The following SEZ6L2 variants were observed in gnomAD, a reference collection of about 807,000 sequenced individuals.
The protein encoded by SEZ6L2 is seizure 6-like protein 2.
Under a neutral mutation model 97.0 loss-of-function variants are expected in SEZ6L2, and 44 were observed. That is an observed-to-expected ratio of 0.45 (90% CI 0.36 to 0.58). SEZ6L2 has a LOEUF of 0.58. SEZ6L2 is among the 20% of genes least tolerant of loss of function. The pLI is 0.00. For synonymous variants in SEZ6L2, 543 were observed against 546.1 expected, an observed-to-expected ratio of 0.99 and a Z score of 0.08; for missense variants, 1,086 against 1,233.3, an observed-to-expected ratio of 0.88 and a Z score of 1.79.
At chr16:29,872,953 C>T (rs907343522) in intron 14 of SEZ6L2, among the ~76,000 whole-genome samples, 1 of 152,202 alleles carries the variant, frequency 6.6e-6, no homozygotes, top group Admixed American at 6.5e-5. Context: ...AGTCAGGGTT[C>T]CTGGACAGTC....
intron 2 of SEZ6L2, among the ~76,000 whole-genome samples, 190 bp from the exon 3 acceptor site, chr16:29,897,311 T>G (rs1176402295): frequency 8.3e-6 from 1 of 119,824 alleles, no homozygotes; most frequent in Non-Finnish European, 1.7e-5. Flanking sequence ...ACAGCCTGAG[T>G]CCCCCCTCTT....
chr16:29,899,186 G>A lies in SEZ6L2; in HGVS notation c.-167C>T. The stretch of plus-strand genomic sequence containing the variant: ...TTTCTCTGCCCCTTGGGATGGAGGG[G>A]CAGAATTGGGCTAGGGGTCGCCTGG... On this transcript the variant is annotated 5_prime_UTR_variant, in exon 1 of 18. Coordinates refer to ENST00000617533, the MANE Select transcript of SEZ6L2 (RefSeq NM_001243332.2). 1.7e-6 allele frequency: 1 copy of A among 602,736 alleles called. No homozygotes were observed. The highest frequency in any genetic ancestry group is 1.8e-5 in the South Asian group (1 of 55,272). The allele number at this position is 602,736 out of a possible 1,614,324, so 37.3% of individuals were successfully genotyped here.
chr16:29,878,191 A>G (rs1174350053), intron 10 of SEZ6L2, 96 bp downstream of exon 10: 2 of 1,395,578 alleles, frequency 1.4e-6, no homozygotes, highest in Non-Finnish European at 1.9e-6. Flanking sequence ...ATAGATACGC[A>G]AGAGCCAGAC....
chr16:29,878,851 C>T (rs1482552819), intron 9 of SEZ6L2, among the ~76,000 whole-genome samples: 3 of 150,924 alleles, frequency 2.0e-5, no homozygotes, highest in Admixed American at 6.6e-5. Flanking sequence ...GTGATCTGCC[C>T]GCCTTGGCCT....
At chr16:29,879,153 T>G (rs1265991237) in intron 9 of SEZ6L2, among the ~76,000 whole-genome samples, 1 of 152,112 alleles carries the variant, frequency 6.6e-6, no homozygotes. Context: ...TCCGCCTGCC[T>G]GAGCCTCCCA....
intron 2 of SEZ6L2, among the ~76,000 whole-genome samples, chr16:29,897,442 G>C (rs1464642547): frequency 1.3e-5 from 2 of 151,424 alleles, no homozygotes; most frequent in African/African-American, 4.9e-5. Context: ...TCTCTCCTCT[G>C]TCTCATTCTC....
rs1474496443 is a variant in SEZ6L2, at chr16:29,873,641, G to A, written c.2193C>T (p.Tyr731=). Residue 731 remains tyrosine, a synonymous_variant, in exon 13 of 18, where the codon TAC becomes TAT. Coordinates refer to ENST00000617533, the MANE Select transcript of SEZ6L2 (RefSeq NM_001243332.2). This position sits in a 1 kb window ranked among gnomAD's most constrained non-coding sequence, Gnocchi z 4.3. ...CGAGGCTGTACCCTGGCAGGCAGCG[G>A]TACTGGACGTGGGAGCCAACGGGGA... ...AGFPVGSHVQ[Y]RCLPGYSLEG... is the part of the protein sequence containing the mutation. 18 of 1,613,972 alleles carry A rather than the reference G, an allele frequency of 1.1e-5. 1 individual carries two copies. Among genetic ancestry groups the A allele is most frequent in the East Asian group, 6.7e-5 (3 of 44,870 alleles).
chr16:29,878,387 C>A lies in SEZ6L2; in HGVS notation c.1612G>T (p.Val538Phe). The A allele has an allele frequency of 1.9e-6, 3 of 1,608,144 alleles. No individual in the cohort carries two copies. Among genetic ancestry groups the A allele is most frequent in the Non-Finnish European group, 2.5e-6 (3 of 1,176,582 alleles). The change falls in exon 10 of 18, where the codon GTC becomes TTC. Residue 538 changes from valine (V) to phenylalanine (F), a missense_variant. Val to Phe is a conservative substitution (Grantham distance 50). This residue lies in a region of SEZ6L2 where 776 missense variants were observed against 794.7 expected (regional missense o/e 0.98). Coordinates refer to ENST00000617533, the MANE Select transcript of SEZ6L2 (RefSeq NM_001243332.2). ...CTCTGGGGCCAGTCGGGAGAGAGGACCACGCCAGCTGGTTCCGACAGCTCC... is the reference window on the plus strand; with the variant it reads ...CTCTGGGGCCAGTCGGGAGAGAGGAACACGCCAGCTGGTTCCGACAGCTCC... ...GGELSEPAGV[V>F]LSPDWPQSYS...
chr16:29,891,917 A>C (rs1411329358), intron 5 of SEZ6L2, among the ~76,000 whole-genome samples: 1 of 152,172 alleles, frequency 6.6e-6, no homozygotes, highest in African/African-American at 2.4e-5. Flanking sequence ...AGAAAACGTT[A>C]ATCACCCACC....
intron 8 of SEZ6L2, among the ~76,000 whole-genome samples, chr16:29,885,202 G>A (rs1025973196): frequency 6.1e-5 from 9 of 147,746 alleles, no homozygotes; most frequent in Non-Finnish European, 9.0e-5. Flanking sequence ...AGCGAGACTC[G>A]TCTCAAAAAA....
chr16:29,891,952 TG>T (rs2068280611), intron 5 of SEZ6L2, among the ~76,000 whole-genome samples: 2 of 152,204 alleles, frequency 1.3e-5, no homozygotes, highest in Admixed American at 6.5e-5. Flanking sequence ...AATGAATGAC[TG>T]GGAGCCAGGG....
At chr16:29,898,863 G>C in intron 1 of SEZ6L2, 78 bp downstream of exon 1, 5 of 1,132,000 alleles carry the variant, frequency 4.4e-6, no homozygotes, top group Non-Finnish European at 6.4e-6. Context: ...GGAAGACCCA[G>C]GATATTAAGA....
At chr16:29,887,226 A>T (rs945705898) in intron 7 of SEZ6L2, among the ~76,000 whole-genome samples, 1 of 148,022 alleles carries the variant, frequency 6.8e-6, no homozygotes, top group Non-Finnish European at 1.5e-5. Context: ...CTAAGCTGTG[A>T]TGCATATCTC....
At chr16:29,880,690 C>T (rs566598979) in intron 8 of SEZ6L2, among the ~76,000 whole-genome samples, 3 of 152,098 alleles carry the variant, frequency 2.0e-5, no homozygotes, top group South Asian at 4.2e-4. Context: ...CTCCTGGCCT[C>T]GAGTGATCTG....
At chr16:29,872,082 T>G in intron 17 of SEZ6L2, 105 bp downstream of exon 17, 1 of 939,034 alleles carries the variant, frequency 1.1e-6, no homozygotes, top group Non-Finnish European at 1.6e-6. Flanking sequence ...TGGGGGCAGC[T>G]GAGTTTGAAA....
Position 29,899,524 on chromosome 16 carries a change from C to G in SEZ6L2, c.-505G>C, listed in dbSNP as rs2068488752. 1 of 158,624 alleles carries G rather than the reference C, an allele frequency of 6.3e-6. No homozygotes were observed. The highest frequency in any genetic ancestry group is 6.5e-5 in the Admixed American group (1 of 15,322). 9.8% of individuals were successfully genotyped at this position (158,624 alleles called of 1,614,324 possible). On this transcript the variant is annotated 5_prime_UTR_variant, in exon 1 of 18. Transcript: ENST00000617533. Reference sequence around the variant, plus strand: ...AACTGGGAGAGCCGAAGCTCGGGCACTGGAGCTGCGGGAGGGAGAAGCTGA... The same window carrying G: ...AACTGGGAGAGCCGAAGCTCGGGCAGTGGAGCTGCGGGAGGGAGAAGCTGA...
chr16:29,871,663 G>A lies in SEZ6L2; in HGVS notation c.*36C>T. ...TCCCTCTGCCCGAATGAGGAGGGGAGGGGCGTCCTGGGTCCTGCAGCTGTA... is the reference window on the plus strand; with the variant it reads ...TCCCTCTGCCCGAATGAGGAGGGGAAGGGCGTCCTGGGTCCTGCAGCTGTA... On this transcript the variant is annotated 3_prime_UTR_variant, in exon 18 of 18. Transcript: ENST00000617533. 1.3e-6 allele frequency: 2 copies of A among 1,599,458 alleles called. No individual in the cohort carries two copies. Among genetic ancestry groups the A allele is most frequent in the South Asian group, 1.1e-5 (1 of 88,718 alleles).
Position 29,876,910 on chromosome 16 carries a change from C to T in SEZ6L2, c.1950G>A (p.Pro650=), listed in dbSNP as rs201225882. ...RNDTCPELPP[P]EWGWRTASHG... ...GGGATGCCGTTCTCCAGCCCCACTC[C>T]GGAGGTGGCAGCTCGGGGCACGTGT... Residue 650 remains proline, a synonymous_variant, in exon 12 of 18, where the codon CCG becomes CCA. Coordinates refer to ENST00000617533, the MANE Select transcript of SEZ6L2 (RefSeq NM_001243332.2). This position sits in a 1 kb window ranked among gnomAD's most constrained non-coding sequence, Gnocchi z 6.5. 6.2e-7 allele frequency: 1 copy of T among 1,612,146 alleles called. No individual in the cohort carries two copies. The highest frequency in any genetic ancestry group is 1.1e-5 in the South Asian group (1 of 91,028).
chr16:29,896,733 T>TCTCTCCCA, intron 3 of SEZ6L2, 89 bp downstream of exon 3: 1 of 1,182,736 alleles, frequency 8.5e-7, no homozygotes, highest in Non-Finnish European at 1.2e-6. Flanking sequence ...CCAGGACTCC[T>TCTCTCCCA]TCCACAGTTC....
Sources: gnomAD v4.1 joint callset for allele counts (sites outside exome capture counted in the v4.1 genomes callset) on GRCh38, gnomAD v4.1.1 for gene constraint, gnomAD v4.1.1 regional missense constraint, Gnocchi (gnomAD v3.1) non-coding constraint, MANE v1.5 for transcripts, NCBI Gene and HGNC (gene_info 2026-07-23, HGNC 2026-07-21) for gene names.